TMEM132C: variants seen among roughly 807,000 people sequenced by gnomAD.
The protein encoded by TMEM132C is transmembrane protein 132C.
Under a neutral mutation model 61.4 loss-of-function variants are expected in TMEM132C, and 29 were observed. The ratio of observed to expected loss-of-function variants is 0.47; its 90% CI spans 0.35 to 0.64. TMEM132C has a LOEUF of 0.64. TMEM132C is among the 30% of genes least tolerant of loss of function. TMEM132C has a pLI of 0.00. For synonymous variants in TMEM132C, 656 were observed against 633.1 expected, an observed-to-expected ratio of 1.04 and a Z score of -0.54; for missense variants, 1,408 against 1,476.9, an observed-to-expected ratio of 0.95 and a Z score of 0.76.
chr12:128,295,730 T>A (rs1871390914), intron 1 of TMEM132C, among the ~76,000 whole-genome samples: 1 of 151,322 alleles, frequency 6.6e-6, no homozygotes, highest in Admixed American at 6.6e-5. Context: ...TGCTCAGTGA[T>A]CAGAGACCAG....
rs1184631787 is a variant in TMEM132C at position 128,267,334 on chromosome 12, C to G, written c.-69C>G. ...GGAGTGGCCCCGGGCATGGGGCGGCCGGCGGGGGCCGCGGGCGGGCGCTGC... is the reference window on the plus strand; with the variant it reads ...GGAGTGGCCCCGGGCATGGGGCGGCGGGCGGGGGCCGCGGGCGGGCGCTGC... On this transcript the variant is annotated 5_prime_UTR_variant, in exon 1 of 9. Coordinates refer to ENST00000435159, the MANE Select transcript of TMEM132C (RefSeq NM_001136103.3). 3 of 953,560 alleles carry G rather than the reference C, an allele frequency of 3.1e-6. No individual in the cohort carries two copies. The highest frequency in any genetic ancestry group is 3.7e-6 in the Non-Finnish European group (3 of 802,800). 59.1% of individuals were successfully genotyped at this position (953,560 alleles called of 1,614,324 possible).
intron 3 of TMEM132C, among the ~76,000 whole-genome samples, chr12:128,594,213 C>T (rs1377391621): frequency 1.3e-5 from 2 of 152,206 alleles, no homozygotes; most frequent in South Asian, 2.1e-4. Flanking sequence ...GCAGTGTCCC[C>T]ACCCCAGGGG....
At chr12:128,385,940 G>T (rs1477000846) in intron 1 of TMEM132C, among the ~76,000 whole-genome samples, 2 of 152,156 alleles carry the variant, frequency 1.3e-5, no homozygotes, top group Non-Finnish European at 2.9e-5. Flanking sequence ...TGAACTTGGG[G>T]TGAAGGCTAC....
At chr12:128,366,575 TGTTCA>T (rs1873879369) in intron 1 of TMEM132C, among the ~76,000 whole-genome samples, 1 of 152,140 alleles carries the variant, frequency 6.6e-6, no homozygotes, top group East Asian at 1.9e-4. Flanking sequence ...TCTCCCACCC[TGTTCA>T]GTAAGTTTGA....
chr12:128,409,739 C>T (rs897587776), intron 1 of TMEM132C, among the ~76,000 whole-genome samples: 2 of 152,124 alleles, frequency 1.3e-5, no homozygotes, highest in Non-Finnish European at 2.9e-5. Context: ...TATCGCCACT[C>T]GGTGTGCTGA....
At chr12:128,583,370 C>T (rs1875417274) in intron 3 of TMEM132C, among the ~76,000 whole-genome samples, 1 of 149,182 alleles carries the variant, frequency 6.7e-6, no homozygotes, top group African/African-American at 2.5e-5. Context: ...GATTCTAAGT[C>T]TCCCTTATGC....
chr12:128,453,178 G>A (rs1399999225), intron 2 of TMEM132C, among the ~76,000 whole-genome samples: 1 of 152,200 alleles, frequency 6.6e-6, no homozygotes, highest in Non-Finnish European at 1.5e-5. Context: ...TTCTAGTGCT[G>A]CATAGCAGCC....
At chr12:128,591,000 C>G (rs2135566351) in intron 3 of TMEM132C, among the ~76,000 whole-genome samples, 1 of 152,276 alleles carries the variant, frequency 6.6e-6, no homozygotes, top group East Asian at 1.9e-4. Context: ...CCAGGCTGCT[C>G]TCAGACTCCT....
In TMEM132C at chr12:128,642,604, G is replaced by A. The variant is rs185116199; in HGVS notation, c.1305+26269G>A. On this transcript the variant is annotated intron_variant, in intron 4 of 8. Coordinates refer to ENST00000435159, the MANE Select transcript of TMEM132C (RefSeq NM_001136103.3). The stretch of plus-strand genomic sequence containing the variant: ...GCTTCTCTCTCTTGCTCCCTCTCTC[G>A]CCATGTGATGCCAACCTTCCTTTGC... 2.1e-3 allele frequency among the ~76,000 whole-genome samples: 313 copies of A among 152,160 alleles called. 2 individuals carry two copies. Among genetic ancestry groups the A allele is most frequent in the Middle Eastern group, 6.8e-3 (2 of 294 alleles).
At chr12:128,373,000 T>A (rs552129331) in intron 1 of TMEM132C, among the ~76,000 whole-genome samples, 4 of 152,322 alleles carry the variant, frequency 2.6e-5, no homozygotes, top group African/African-American at 9.6e-5. Context: ...CATGTGCTTT[T>A]TGCCCATTAC....
intron 1 of TMEM132C, among the ~76,000 whole-genome samples, chr12:128,380,416 C>T (rs888514548): frequency 4.6e-5 from 7 of 152,204 alleles, no homozygotes; most frequent in African/African-American, 1.7e-4. Flanking sequence ...CCTGTAATGC[C>T]TTGGATGCCA....
At chr12:128,453,183 G>A (rs7961798) in intron 2 of TMEM132C, among the ~76,000 whole-genome samples, 18,150 of 152,200 alleles carry the variant, frequency 0.12, 1,414 homozygotes, top group East Asian at 0.2. Flanking sequence ...GTGCTGCATA[G>A]CAGCCACTCC....
At chr12:128,670,996 A>G (rs923322775) in intron 5 of TMEM132C, among the ~76,000 whole-genome samples, 2 of 152,202 alleles carry the variant, frequency 1.3e-5, no homozygotes, top group African/African-American at 4.8e-5. Context: ...AAAACAAAAT[A>G]CATTTGTGCT....
intron 2 of TMEM132C, among the ~76,000 whole-genome samples, chr12:128,501,725 A>G (rs887101609): frequency 1.3e-5 from 2 of 152,234 alleles, no homozygotes; most frequent in African/African-American, 4.8e-5. Flanking sequence ...TCTACAAGAT[A>G]AAAATATAAG....
intron 5 of TMEM132C, among the ~76,000 whole-genome samples, chr12:128,677,617 C>A (rs370355105): frequency 1.4e-4 from 21 of 152,120 alleles, no homozygotes; most frequent in African/African-American, 4.6e-4. Flanking sequence ...CCTAATGACA[C>A]TGACACACAA....
intron 1 of TMEM132C, among the ~76,000 whole-genome samples, chr12:128,371,838 CA>C (rs775323060): frequency 1.8e-4 from 27 of 152,186 alleles, no homozygotes; most frequent in Non-Finnish European, 3.8e-4. Context: ...CTCAGCCTCC[CA>C]AAGCACCAGG....
intron 2 of TMEM132C, among the ~76,000 whole-genome samples, chr12:128,441,244 C>G (rs1301517072): frequency 6.6e-6 from 1 of 152,218 alleles, no homozygotes; most frequent in Non-Finnish European, 1.5e-5. Flanking sequence ...CCTCATCAGA[C>G]AGGGCACATG....
Position 128,648,711 on chromosome 12 carries a change from T to C in TMEM132C, c.1306-20706T>C, listed in dbSNP as rs904481436. 1.3e-5 allele frequency among the ~76,000 whole-genome samples: 2 copies of C among 149,928 alleles called. 1 individual carries two copies. Among genetic ancestry groups the C allele is most frequent in the Admixed American group, 1.3e-4 (2 of 15,068 alleles). ...TTGGATGTGAGTGTGTTTAGCTCAG[T>C]CCATCAGCGTTGGATGAGTGTGTTT... is the stretch of plus-strand genomic sequence containing the variant. On this transcript the variant is annotated intron_variant, in intron 4 of 8. Coordinates refer to ENST00000435159, the MANE Select transcript of TMEM132C (RefSeq NM_001136103.3).
chr12:128,576,516 T>TC (rs1260038020), intron 3 of TMEM132C, among the ~76,000 whole-genome samples: 1 of 152,226 alleles, frequency 6.6e-6, no homozygotes, highest in Non-Finnish European at 1.5e-5. Context: ...CATGAGACTT[T>TC]CCCTTGGATC....
Sources: gnomAD v4.1 joint callset for allele counts (sites outside exome capture counted in the v4.1 genomes callset) on GRCh38, gnomAD v4.1.1 for gene constraint, MANE v1.5 for transcripts, NCBI Gene and HGNC (gene_info 2026-07-23, HGNC 2026-07-21) for gene names.